Variants in PFAS observed in about 807,000 individuals in gnomAD.
PFAS encodes the protein FGAM synthase.
Under a neutral mutation model 140.6 loss-of-function variants are expected in PFAS, and 97 were observed. The observed-to-expected ratio is 0.69, with a 90% CI of 0.59 to 0.82. PFAS has a LOEUF of 0.82. PFAS is among the 40% of genes least tolerant of loss of function. The probability of loss-of-function intolerance (pLI) is 0.00; values close to 1 mark genes in which losing one functional copy is unlikely to be tolerated. For missense variants in PFAS, 1,656 were observed against 1,780.2 expected, an observed-to-expected ratio of 0.93 and a Z score of 1.26; for synonymous variants, 679 against 718.8, an observed-to-expected ratio of 0.94 and a Z score of 0.88.
At chr17:8,264,404 A>C (rs1022171824) in intron 16 of PFAS, 66 bp from the exon 17 acceptor site, 1 of 1,612,010 alleles carries the variant, frequency 6.2e-7, no homozygotes, top group Admixed American at 1.7e-5. Flanking sequence ...CCCTACGTGC[A>C]CTTTGTCGCC....
chr17:8,255,392 A>T (rs748586108), intron 4 of PFAS, 110 bp from the exon 5 acceptor site: 4 of 830,372 alleles, frequency 4.8e-6, no homozygotes, highest in Non-Finnish European at 7.6e-6. Flanking sequence ...AAAGTGCCAT[A>T]TGGTGTGGCA....
chr17:8,252,508 A>T (rs1275475352), intron 1 of PFAS, among the ~76,000 whole-genome samples: 3 of 143,976 alleles, frequency 2.1e-5, no homozygotes, highest in Non-Finnish European at 4.5e-5. Context: ...GGTTCGAGTG[A>T]TTCTCCTGCC....
Position 8,265,265 on chromosome 17 carries a change from T to C in PFAS, c.2281-23T>C, listed in dbSNP as rs369639395. 4.0e-5 allele frequency: 65 copies of C among 1,607,524 alleles called. 1 individual carries two copies. The African/African-American group carries it at 5.2e-4, about 13-fold the overall frequency. On this transcript the variant is annotated intron_variant, in intron 18 of 27. Transcript: ENST00000314666. ...TCTCCACATTTCTCTTCCCCTCTAA[T>C]GCTGTGCCTCTGCCACCCCCAGGAT...
rs1322714722 is a variant in PFAS at position 8,265,623 on chromosome 17, G to GC, written c.2530dup (p.His844ProfsTer3). ...CAGCCACTGTGACCCCAGACCTCAA[G>GC]CATCCTGAAGGGAGAGGTATGGACA... On this transcript the variant is annotated frameshift_variant, in exon 20 of 28. Transcript: ENST00000314666. LOFTEE classifies it high-confidence loss of function. The GC allele has an allele frequency of 1.9e-6, 3 of 1,613,724 alleles. No individual in the cohort carries two copies. Among genetic ancestry groups the GC allele is most frequent in the Admixed American group, 1.7e-5 (1 of 60,020 alleles).
chr17:8,268,864 C>G lies in PFAS; in HGVS notation c.3706+8C>G. 9 of 1,610,580 alleles carry G rather than the reference C, an allele frequency of 5.6e-6. No individual in the cohort carries two copies. The highest frequency in any genetic ancestry group is 7.6e-6 in the Non-Finnish European group (9 of 1,179,938). The stretch of plus-strand genomic sequence containing the variant: ...GGAGTGCGCACGGGGAAGGTCAGGC[C>G]CAAGGAAGGCTGGGGGAGGGCCCGA... On this transcript the variant is annotated splice_region_variant and intron_variant, in intron 27 of 27. Coordinates refer to ENST00000314666, the MANE Select transcript of PFAS (RefSeq NM_012393.3).
intron 26 of PFAS, 69 bp from the exon 27 acceptor site, chr17:8,268,464 C>A: frequency 2.8e-6 from 3 of 1,054,860 alleles, no homozygotes; most frequent in Non-Finnish European, 4.3e-6. Flanking sequence ...AGCAGTTATG[C>A]CCCTTCATTC....
rs187065100 is a variant in PFAS at position 8,266,761 on chromosome 17, G to A, written c.2830G>A (p.Val944Met). The stretch of plus-strand genomic sequence containing the variant: ...CCACATTGCTCTCCCAGTCCTGTCT[G>A]TGCTGTTCGCTGAGGAGCCAGGCCT... ...VPVPRVDVLS[V>M]LFAEEPGLVL... Residue 944 changes from valine to methionine, a missense_variant, in exon 23 of 28, where the codon GTG (valine) becomes ATG (methionine). This residue lies in a region of PFAS where 883 missense variants were observed against 1,023.0 expected (regional missense o/e 0.86). Coordinates refer to ENST00000314666, the MANE Select transcript of PFAS (RefSeq NM_012393.3). This position sits in a 1 kb window ranked among gnomAD's most constrained non-coding sequence, Gnocchi z 5.0. 10 of 1,607,798 alleles carry A rather than the reference G, an allele frequency of 6.2e-6. No homozygotes were observed. In the Admixed American group the frequency reaches 1.7e-4, roughly 27 times the overall value.
chr17:8,263,151 C>T lies in PFAS; in HGVS notation c.1453C>T (p.Gln485Ter). Reference sequence around the variant, plus strand: ...CAGTGACCTGGACTTTGGGGCTGTGCAGCGAGGAGACCCGGAGATGGAACA... The same window carrying T: ...CAGTGACCTGGACTTTGGGGCTGTGTAGCGAGGAGACCCGGAGATGGAACA... ...NTSDLDFGAV[Q>*]RGDPEMEQKM... is the part of the protein sequence containing the mutation. Residue 485 changes from glutamine to a stop codon, truncating the protein, a stop_gained, in exon 13 of 28, where the codon CAG becomes TAG. Coordinates refer to ENST00000314666, the MANE Select transcript of PFAS (RefSeq NM_012393.3). LOFTEE classifies it high-confidence loss of function. 6.2e-7 allele frequency: 1 copy of T among 1,613,824 alleles called. No individual in the cohort carries two copies. The highest frequency in any genetic ancestry group is 8.5e-7 in the Non-Finnish European group (1 of 1,179,722).
chr17:8,259,870 G>T (rs1365645454), intron 11 of PFAS, among the ~76,000 whole-genome samples: 2 of 152,196 alleles, frequency 1.3e-5, no homozygotes, highest in African/African-American at 4.8e-5. Flanking sequence ...GGAGGCCATG[G>T]TGGGCAGATC....
chr17:8,268,214 A>C (rs1034357761), intron 26 of PFAS, among the ~76,000 whole-genome samples: 3 of 146,538 alleles, frequency 2.0e-5, no homozygotes, highest in Non-Finnish European at 4.5e-5. Flanking sequence ...GGCATGCAAA[A>C]ATACAAAAAT....
chr17:8,261,068 T>C (rs1278616101), intron 11 of PFAS, among the ~76,000 whole-genome samples: 1 of 152,236 alleles, frequency 6.6e-6, no homozygotes, highest in East Asian at 1.9e-4. Context: ...CCATTTTACA[T>C]TCTCTCTGGC....
upstream of PFAS, chr17:8,249,214 A>G (rs1989023389): frequency 6.6e-6 from 1 of 151,384 alleles, no homozygotes; most frequent in Non-Finnish European, 1.5e-5. Context: ...GTGGCTGGGG[A>G]AAAGTGGGCG....
chr17:8,258,191 C>T lies in PFAS; in HGVS notation c.1328C>T (p.Pro443Leu), dbSNP rs750186337. Residue 443 changes from proline to leucine, a missense_variant, in exon 11 of 28, where the codon CCA (proline) becomes CTA (leucine). Physicochemically the swap from Pro to Leu is moderately conservative, Grantham distance 98 (BLOSUM62 -3). Around this residue, in one of 2 missense-constraint regions of PFAS, gnomAD observed 773 missense variants for 757.3 expected, o/e 1.02. Coordinates refer to ENST00000314666, the MANE Select transcript of PFAS (RefSeq NM_012393.3). The part of the protein sequence containing the change: ...MEADHISKEA[P>L]EPGMEVVKVG... ...GCTGACCACATAAGCAAGGAGGCCC[C>T]AGAGCCAGGTAAGAGCCTGCCACCT... 7.4e-6 allele frequency: 12 copies of T among 1,613,872 alleles called. No homozygotes were observed. Among genetic ancestry groups the T allele is most frequent in the African/African-American group, 2.7e-5 (2 of 74,926 alleles).
At position 8,257,027 on chromosome 17, in the gene PFAS, C is replaced by T. The variant is rs570021974; in HGVS notation, c.1075+64C>T. 9.0e-5 allele frequency: 140 copies of T among 1,562,786 alleles called. 1 individual carries two copies. In the South Asian group the frequency reaches 1.3e-3, roughly 15 times the overall value. On this transcript the variant is annotated intron_variant, in intron 9 of 27. Transcript: ENST00000314666. Reference sequence around the variant, plus strand: ...ATTCCTTGTCCTGGCAGGCAGCAAACTTCTATCTGTTAGGTCCATAGGGTT... The same window carrying T: ...ATTCCTTGTCCTGGCAGGCAGCAAATTTCTATCTGTTAGGTCCATAGGGTT...
At position 8,257,896 on chromosome 17, in the gene PFAS, G is replaced by A. The variant is rs750776366; in HGVS notation, c.1165G>A (p.Ala389Thr). Residue 389 changes from alanine to threonine, a missense_variant, in exon 10 of 28, where the codon GCT becomes ACT. Around this residue, in one of 2 missense-constraint regions of PFAS, gnomAD observed 773 missense variants for 757.3 expected, o/e 1.02. Transcript: ENST00000314666. ...LEVAIEASNG[A>T]SDYGNKFGEP... The stretch of plus-strand genomic sequence containing the variant: ...GGTTGCCATTGAAGCCAGTAATGGA[G>A]CTTCTGACTATGGCAACAAGTTTGG... 15 of 1,614,088 alleles carry A rather than the reference G, an allele frequency of 9.3e-6. No homozygotes were observed. Among genetic ancestry groups the A allele is most frequent in the Non-Finnish European group, 1.2e-5 (14 of 1,180,038 alleles).
At chr17:8,258,311 T>G (rs1197003567) in intron 11 of PFAS, 112 bp downstream of exon 11, 1 of 1,152,096 alleles carries the variant, frequency 8.7e-7, no homozygotes, top group Non-Finnish European at 1.2e-6. Flanking sequence ...ATATGTTGGC[T>G]TATCTTATGT....
At chr17:8,257,455 C>T (rs909958155) in intron 9 of PFAS, among the ~76,000 whole-genome samples, 9 of 152,106 alleles carry the variant, frequency 5.9e-5, no homozygotes, top group Admixed American at 4.6e-4. Flanking sequence ...ACTCAGGAGG[C>T]TGAGGCGAGA....
rs148917666 is a variant in PFAS, at chr17:8,266,693, C to A, written c.2822-60C>A. 9.8e-4 allele frequency: 1,515 copies of A among 1,546,438 alleles called. 15 individuals carry two copies. The African/African-American group carries it at 0.019, about 19-fold the overall frequency. ...CTGGCCCTTCCTGCATTTCCCTGAT[C>A]CCGCCCCAACTCCCTTGGCCCTTCT... On this transcript the variant is annotated intron_variant, in intron 22 of 27. Coordinates refer to ENST00000314666, the MANE Select transcript of PFAS (RefSeq NM_012393.3). The surrounding 1 kb of genome is among the most constrained non-coding windows in gnomAD (Gnocchi z 5.0).
intron 1 of PFAS, among the ~76,000 whole-genome samples, chr17:8,252,017 G>A (rs73247021): frequency 0.019 from 2,896 of 152,008 alleles, 100 homozygotes; most frequent in African/African-American, 0.066. Flanking sequence ...TTTATGGGTC[G>A]GAATGGTGGC....
Sources: allele counts gnomAD v4.1 joint callset (sites outside exome capture counted in the v4.1 genomes callset), GRCh38; gene constraint gnomAD v4.1.1; regional missense constraint gnomAD v4.1.1; non-coding constraint Gnocchi (gnomAD v3.1); transcripts MANE v1.5; gene names NCBI Gene and HGNC (gene_info 2026-07-23, HGNC 2026-07-21).